The following CACNA1E variants were observed in gnomAD, a reference collection of about 807,000 sequenced individuals.
CACNA1E encodes the protein voltage-dependent R-type calcium channel subunit alpha-1E.
Under a neutral mutation model 259.2 loss-of-function variants are expected in CACNA1E, and 40 were observed. That is an observed-to-expected ratio of 0.15 (90% CI 0.12 to 0.20). The LOEUF (loss-of-function observed/expected upper bound fraction) is 0.20, where lower values mean the gene tolerates loss of function less well. Among genes scored for constraint, CACNA1E ranks in the 10% least tolerant of loss-of-function variants. The probability of loss-of-function intolerance (pLI) is 1.00; values close to 1 mark genes in which losing one functional copy is unlikely to be tolerated. For missense variants in CACNA1E, 1,874 were observed against 3,040.1 expected (o/e 0.62, Z 9.02); for synonymous variants, 1,104 against 1,138.5 (o/e 0.97, Z 0.61).
intron 23 of CACNA1E, among the ~76,000 whole-genome samples, 187 bp from the exon 24 acceptor site, chr1:181,738,180 G>A (rs1457819677): frequency 2.0e-5 from 3 of 152,186 alleles, no homozygotes; most frequent in African/African-American, 7.2e-5. Context: ...CAGGGCCCAT[G>A]CCCCTCCTTC....
chr1:181,429,392 C>T (rs569585542), intron 2 of CACNA1E, among the ~76,000 whole-genome samples: 1 of 152,186 alleles, frequency 6.6e-6, no homozygotes, highest in Non-Finnish European at 1.5e-5. Flanking sequence ...CGGTGCCTGC[C>T]TCTCTGCCCA....
chr1:181,501,776 C>T (rs911692933), intron 1 of CACNA1E, among the ~76,000 whole-genome samples: 2 of 151,986 alleles, frequency 1.3e-5, no homozygotes, highest in South Asian at 4.2e-4. Flanking sequence ...TTCAGGACTG[C>T]CTGTCAGATG....
chr1:181,430,226 C>T (rs552907911), intron 2 of CACNA1E, among the ~76,000 whole-genome samples: 5 of 152,238 alleles, frequency 3.3e-5, no homozygotes, highest in East Asian at 1.9e-4. Context: ...AGGCATCACC[C>T]GGAGTTCTTC....
chr1:181,700,801 A>G (rs1471376251), intron 7 of CACNA1E, among the ~76,000 whole-genome samples: 3 of 152,240 alleles, frequency 2.0e-5, no homozygotes, highest in Admixed American at 6.5e-5. Flanking sequence ...TGGAAAGGCC[A>G]GGCTAGTCCT....
At chr1:181,642,953 A>G (rs1246739672) in intron 6 of CACNA1E, among the ~76,000 whole-genome samples, 10 of 152,224 alleles carry the variant, frequency 6.6e-5, no homozygotes, top group Non-Finnish European at 1.2e-4. Context: ...GATAGTTGCA[A>G]AAATATAAAA....
chr1:181,517,630 G>A (rs1666690880), intron 3 of CACNA1E, among the ~76,000 whole-genome samples: 1 of 151,898 alleles, frequency 6.6e-6, no homozygotes, highest in African/African-American at 2.4e-5. Flanking sequence ...GGAAAAGGGA[G>A]CAGGGGAGAG....
At chr1:181,530,040 G>A (rs1312240679) in intron 3 of CACNA1E, among the ~76,000 whole-genome samples, 6 of 152,194 alleles carry the variant, frequency 3.9e-5, no homozygotes, top group Non-Finnish European at 2.9e-5. Context: ...CTCAACTTCA[G>A]TTGTATCTCC....
intron 7 of CACNA1E, among the ~76,000 whole-genome samples, chr1:181,670,801 T>C (rs1231147644): frequency 6.6e-6 from 1 of 152,164 alleles, no homozygotes; most frequent in East Asian, 1.9e-4. Context: ...AAGTTTCTCC[T>C]CCATCCTCTT....
intron 3 of CACNA1E, among the ~76,000 whole-genome samples, chr1:181,543,530 C>T (rs1441926378): frequency 2.6e-5 from 4 of 152,052 alleles, no homozygotes; most frequent in African/African-American, 7.3e-5. Flanking sequence ...TCAGAACAGC[C>T]GTAAGAGAGC....
chr1:181,777,822 C>T (rs1436384892), intron 38 of CACNA1E, among the ~76,000 whole-genome samples: 1 of 152,176 alleles, frequency 6.6e-6, no homozygotes, highest in Non-Finnish European at 1.5e-5. Flanking sequence ...CCATGGATAT[C>T]TATGGGATTG....
intron 2 of CACNA1E, among the ~76,000 whole-genome samples, chr1:181,460,402 G>T (rs1287801651): frequency 6.6e-6 from 1 of 152,142 alleles, no homozygotes; most frequent in Non-Finnish European, 1.5e-5. Flanking sequence ...ATAAGACAAG[G>T]CTGTACTGAG....
At chr1:181,686,831 G>C (rs553311351) in intron 7 of CACNA1E, among the ~76,000 whole-genome samples, 2 of 152,188 alleles carry the variant, frequency 1.3e-5, no homozygotes, top group African/African-American at 2.4e-5. Context: ...CTGCATGGAG[G>C]TGTTTGGAAA....
In CACNA1E at chr1:181,410,139, C is replaced by T. The variant is rs577946346; in HGVS notation, c.-14-2994C>T. 5.7e-4 allele frequency among the ~76,000 whole-genome samples: 86 copies of T among 151,964 alleles called. 2 individuals are homozygous for T. The highest frequency in any genetic ancestry group is 2.0e-3 in the African/African-American group (81 of 41,420). ...GGGAGCAGCAGGGGAGGGGTGTGCG[C>T]GTGCATGTGGTGAGGGAGAGACATT... On this transcript the variant is annotated intron_variant, in intron 1 of 11. Transcript: ENST00000524607.
intron 3 of CACNA1E, among the ~76,000 whole-genome samples, chr1:181,557,078 G>C (rs1411408885): frequency 1.3e-5 from 2 of 152,142 alleles, no homozygotes; most frequent in Non-Finnish European, 2.9e-5. Context: ...AGCTGGGGGA[G>C]TGTTTGGGTG....
At chr1:181,460,757 A>G (rs1247475247) in intron 2 of CACNA1E, among the ~76,000 whole-genome samples, 20 of 151,386 alleles carry the variant, frequency 1.3e-4, no homozygotes, top group Admixed American at 1.3e-3. Flanking sequence ...AAAATGTACT[A>G]CTGCTTCCAT....
chr1:181,436,848 CAGT>C (rs1660122217), intron 2 of CACNA1E, among the ~76,000 whole-genome samples: 1 of 152,078 alleles, frequency 6.6e-6, no homozygotes, highest in South Asian at 2.1e-4. Context: ...ATTGCGAAAA[CAGT>C]AGATTTTAAA....
At chr1:181,333,359 C>T (rs987319033) in intron 1 of CACNA1E, among the ~76,000 whole-genome samples, 1 of 152,184 alleles carries the variant, frequency 6.6e-6, no homozygotes, top group African/African-American at 2.4e-5. Context: ...ACACCCATTA[C>T]ATACATCAGG....
chr1:181,500,629 A>C (rs1004334566), intron 1 of CACNA1E, among the ~76,000 whole-genome samples: 1 of 152,186 alleles, frequency 6.6e-6, no homozygotes, highest in Non-Finnish European at 1.5e-5. Context: ...TTGCCTCCAT[A>C]ATAACTTAGA....
At chr1:181,700,996 C>T (rs923267701) in intron 7 of CACNA1E, among the ~76,000 whole-genome samples, 6 of 152,116 alleles carry the variant, frequency 3.9e-5, no homozygotes, top group East Asian at 1.9e-4. Flanking sequence ...TCCACTTGAC[C>T]GTCCCAAAGC....
Sources: allele counts gnomAD v4.1 joint callset (sites outside exome capture counted in the v4.1 genomes callset), GRCh38; gene constraint gnomAD v4.1.1; transcripts MANE v1.5; gene names NCBI Gene and HGNC (gene_info 2026-07-23, HGNC 2026-07-21).